UST: variants seen among roughly 807,000 people sequenced by gnomAD.
UST encodes the protein chondroitin sulfate 2-O-sulfotransferase.
A neutral mutation model predicts 45.6 loss-of-function variants in UST; 21 were observed. The ratio of observed to expected loss-of-function variants is 0.46; its 90% confidence interval spans 0.33 to 0.66. The LOEUF is 0.66. UST is among the 30% of genes least tolerant of loss of function. UST has a pLI of 0.02. For missense variants in UST, 463 were observed against 512.4 expected, an observed-to-expected ratio of 0.90 and a Z score of 0.93; for synonymous variants, 215 against 200.6, an observed-to-expected ratio of 1.07 and a Z score of -0.61.
chr6:148,931,424 T>C (rs944455430), intron 2 of UST, among the ~76,000 whole-genome samples: 1 of 152,118 alleles, frequency 6.6e-6, no homozygotes, highest in Non-Finnish European at 1.5e-5. Context: ...GAATGGAGAG[T>C]CAAATTAAGT....
chr6:149,038,931 CAG>C (rs1420518427), intron 7 of UST, among the ~76,000 whole-genome samples: 1 of 151,990 alleles, frequency 6.6e-6, no homozygotes, highest in African/African-American at 2.4e-5. Context: ...TATTGGAAAA[CAG>C]AAAAACAATG....
intron 1 of UST, among the ~76,000 whole-genome samples, chr6:148,868,260 T>C (rs1778483117): frequency 6.6e-6 from 1 of 152,226 alleles, no homozygotes. Flanking sequence ...TTCCAACAAG[T>C]AAGTTGATGT....
intron 2 of UST, among the ~76,000 whole-genome samples, chr6:148,915,681 T>A (rs1026960990): frequency 6.6e-6 from 1 of 152,232 alleles, no homozygotes; most frequent in Non-Finnish European, 1.5e-5. Flanking sequence ...ACTGTTATTA[T>A]GTGAACATGA....
chr6:148,755,127 C>T (rs118093917), intron 1 of UST, among the ~76,000 whole-genome samples: 175 of 152,190 alleles, frequency 1.1e-3, no homozygotes, highest in Middle Eastern at 6.8e-3. Context: ...AGAATGGAGC[C>T]GATGAGCTCA....
At chr6:148,936,756 C>T (rs931425025) in intron 2 of UST, among the ~76,000 whole-genome samples, 7 of 151,908 alleles carry the variant, frequency 4.6e-5, no homozygotes, top group Non-Finnish European at 8.8e-5. Context: ...AGTGCAATGG[C>T]GCGATCTCAG....
At chr6:149,048,397 G>A (rs1030716800) in intron 7 of UST, among the ~76,000 whole-genome samples, 14 of 151,958 alleles carry the variant, frequency 9.2e-5, no homozygotes, top group African/African-American at 3.4e-4. Flanking sequence ...TCAGCTGGGT[G>A]TGGTGGCGGA....
rs1268139483 is a variant in UST, at chr6:148,934,200, T to A, written c.292-7079T>A. Among the ~76,000 whole-genome samples, 1 of 152,194 alleles carries A rather than the reference T, an allele frequency of 6.6e-6. No individual in the cohort carries two copies. Among genetic ancestry groups the A allele is most frequent in the Non-Finnish European group, 1.5e-5 (1 of 68,026 alleles). On this transcript the variant is annotated intron_variant, in intron 2 of 7. Coordinates refer to ENST00000367463, the MANE Select transcript of UST (RefSeq NM_005715.3). The surrounding 1 kb of genome is among the most constrained non-coding windows in gnomAD (Gnocchi z 4.1). Reference sequence around the variant, plus strand: ...TCTAGCACCACAGTGTCCTAGGAACTTTAACATGAGGATTTGCTGAGTGGA... The same window carrying A: ...TCTAGCACCACAGTGTCCTAGGAACATTAACATGAGGATTTGCTGAGTGGA...
intron 1 of UST, among the ~76,000 whole-genome samples, chr6:148,806,608 G>A (rs1201972592): frequency 2.0e-5 from 3 of 152,028 alleles, no homozygotes; most frequent in Admixed American, 2.0e-4. Context: ...CAAAGTGCTG[G>A]GATTACAGGC....
chr6:148,829,609 T>A (rs781694617), intron 1 of UST, among the ~76,000 whole-genome samples: 4 of 152,272 alleles, frequency 2.6e-5, no homozygotes, highest in Non-Finnish European at 4.4e-5. Context: ...TGCACCAGCC[T>A]CTCCCTGTGA....
At position 148,941,390 on chromosome 6, in the gene UST, A is replaced by G. The variant is rs371760507; in HGVS notation, c.403A>G (p.Thr135Ala). 142 of 1,607,050 alleles carry G rather than the reference A, an allele frequency of 8.8e-5. No homozygotes were observed. Among genetic ancestry groups the G allele is most frequent in the Non-Finnish European group, 1.2e-4 (140 of 1,178,466 alleles). ...LSEKHGFNLV[T>A]SDIHNKTRLT... Reference sequence around the variant, plus strand: ...GGAGAAGCACGGATTTAATTTGGTCACATCAGACATTCACAACAAAACCAG... The same window carrying G: ...GGAGAAGCACGGATTTAATTTGGTCGCATCAGACATTCACAACAAAACCAG... The change falls in exon 3 of 8, where the codon ACA becomes GCA. Residue 135 changes from threonine to alanine, a missense_variant. Physicochemically the swap from Thr to Ala is moderately conservative, Grantham distance 58 (BLOSUM62 0). Around this residue, in one of 2 missense-constraint regions of UST, gnomAD observed 287 missense variants for 374.2 expected, o/e 0.77. Transcript: ENST00000367463.
intron 7 of UST, among the ~76,000 whole-genome samples, chr6:149,067,748 A>G (rs1303128352): frequency 6.6e-6 from 1 of 152,192 alleles, no homozygotes; most frequent in Non-Finnish European, 1.5e-5. Flanking sequence ...CTCTGAGTGA[A>G]ATCATAAGAG....
chr6:148,964,605 G>A (rs767549227), intron 5 of UST, 42 bp downstream of exon 5: 11 of 1,606,190 alleles, frequency 6.8e-6, no homozygotes, highest in South Asian at 2.2e-5. Context: ...CCCACTGCCT[G>A]AGGAGTGGGC....
At chr6:148,855,087 G>A (rs764568855) in intron 1 of UST, among the ~76,000 whole-genome samples, 1 of 152,076 alleles carries the variant, frequency 6.6e-6, no homozygotes, top group African/African-American at 2.4e-5. Flanking sequence ...ATCAGATCTC[G>A]CGAGACGTAT....
At chr6:148,849,032 C>T (rs1778053455) in intron 1 of UST, among the ~76,000 whole-genome samples, 1 of 152,172 alleles carries the variant, frequency 6.6e-6, no homozygotes, top group South Asian at 2.1e-4. Flanking sequence ...AGAAGGGTGT[C>T]CTGGCTCTGC....
intron 7 of UST, among the ~76,000 whole-genome samples, chr6:149,024,993 C>T (rs1776030346): frequency 6.6e-6 from 1 of 152,012 alleles, no homozygotes; most frequent in African/African-American, 2.4e-5. Context: ...GGTAACTCCT[C>T]TCTAGCAATA....
At chr6:149,065,112 A>G in intron 7 of UST, among the ~76,000 whole-genome samples, 1 of 152,170 alleles carries the variant, frequency 6.6e-6, no homozygotes, top group East Asian at 1.9e-4. Flanking sequence ...TCACTTCTTC[A>G]TGGTTAATCC....
intron 3 of UST, among the ~76,000 whole-genome samples, chr6:148,947,255 G>T (rs1374559757): frequency 6.6e-6 from 1 of 152,114 alleles, no homozygotes; most frequent in Non-Finnish European, 1.5e-5. Context: ...TTGAGCAGTA[G>T]GATGTAAATA....
intron 5 of UST, among the ~76,000 whole-genome samples, chr6:148,968,792 T>C (rs977330296): frequency 4.6e-5 from 7 of 152,224 alleles, no homozygotes; most frequent in African/African-American, 1.7e-4. Flanking sequence ...TTCTCAAAAA[T>C]GTCAAATTGG....
At chr6:148,911,063 C>T (rs1779465096) in intron 2 of UST, among the ~76,000 whole-genome samples, 2 of 152,156 alleles carry the variant, frequency 1.3e-5, no homozygotes, top group Admixed American at 6.5e-5. Context: ...GGCCCTGACC[C>T]CTCCAGGGTC....
Sources: gnomAD v4.1 joint callset for allele counts (sites outside exome capture counted in the v4.1 genomes callset) on GRCh38, gnomAD v4.1.1 for gene constraint, gnomAD v4.1.1 regional missense constraint, Gnocchi (gnomAD v3.1) non-coding constraint, MANE v1.5 for transcripts, NCBI Gene and HGNC (gene_info 2026-07-23, HGNC 2026-07-21) for gene names.